The following NCALD variants were observed in gnomAD, a reference collection of about 807,000 sequenced individuals.
NCALD encodes the protein neurocalcin-delta.
NCALD carries 10 observed loss-of-function variants against 18.6 expected under a neutral mutation model. That is an observed-to-expected ratio of 0.54 (90% CI 0.33 to 0.91). NCALD has a LOEUF of 0.91. Among genes scored for constraint, NCALD ranks in the 40% least tolerant of loss-of-function variants. The pLI, the probability that NCALD is intolerant of heterozygous loss-of-function variation, is 0.03. For missense variants in NCALD, 184 were observed against 247.6 expected (o/e 0.74, Z 1.72); for synonymous variants, 88 against 87.4 (o/e 1.01, Z -0.04).
intron 1 of NCALD, among the ~76,000 whole-genome samples, chr8:102,119,824 G>T (rs1302889271): frequency 6.6e-6 from 1 of 152,118 alleles, no homozygotes; most frequent in Non-Finnish European, 1.5e-5. Flanking sequence ...ATCTTATTCA[G>T]CCTGTATCCC....
At chr8:102,013,437 A>G (rs1192839488) in intron 2 of NCALD, among the ~76,000 whole-genome samples, 2 of 152,208 alleles carry the variant, frequency 1.3e-5, no homozygotes, top group Non-Finnish European at 2.9e-5. Context: ...TAGCAAGCCC[A>G]GCCCCAATGG....
chr8:101,719,910 A>C (rs1157383356), intron 1 of NCALD, among the ~76,000 whole-genome samples: 1 of 152,212 alleles, frequency 6.6e-6, no homozygotes, highest in Non-Finnish European at 1.5e-5. Flanking sequence ...TGAAAGCAAA[A>C]GGTTCAGAGA....
chr8:101,836,591 T>C (rs1184452187), intron 4 of NCALD, among the ~76,000 whole-genome samples: 1 of 152,256 alleles, frequency 6.6e-6, no homozygotes, highest in African/African-American at 2.4e-5. Flanking sequence ...CACAGTTCAG[T>C]GTAAAACTTT....
chr8:101,830,747 T>TC (rs1165748839), intron 4 of NCALD, among the ~76,000 whole-genome samples: 1 of 150,388 alleles, frequency 6.6e-6, no homozygotes, highest in African/African-American at 2.4e-5. Context: ...ATACTTTTTT[T>TC]TTTTTTTTTT....
intron 3 of NCALD, among the ~76,000 whole-genome samples, chr8:101,913,319 AT>A (rs1817866164): frequency 6.6e-6 from 1 of 152,166 alleles, no homozygotes; most frequent in African/African-American, 2.4e-5. Flanking sequence ...GCCAATTATT[AT>A]TTTCTTTTGG....
At chr8:101,695,961 T>G (rs1238272345) in intron 2 of NCALD, among the ~76,000 whole-genome samples, 1 of 152,174 alleles carries the variant, frequency 6.6e-6, no homozygotes, top group Non-Finnish European at 1.5e-5. Context: ...TCCTTTTATA[T>G]GTTTTTTTTA....
intron 1 of NCALD, among the ~76,000 whole-genome samples, chr8:102,024,782 TTC>T (rs1677002347): frequency 6.6e-6 from 1 of 152,116 alleles, no homozygotes; most frequent in African/African-American, 2.4e-5. Flanking sequence ...TCTTTAAGAT[TTC>T]TCTTTCTCAA....
At chr8:102,059,767 C>T (rs1462209922) in intron 1 of NCALD, among the ~76,000 whole-genome samples, 1 of 152,116 alleles carries the variant, frequency 6.6e-6, no homozygotes, top group Non-Finnish European at 1.5e-5. Flanking sequence ...CTGAACACCC[C>T]ACTCCCTGTC....
Position 101,874,262 on chromosome 8 carries a change from A to G in NCALD, c.-20+12879T>C, listed in dbSNP as rs142621659. 9.4e-3 allele frequency among the ~76,000 whole-genome samples: 1,436 copies of G among 152,322 alleles called. 10 individuals are homozygous for G. Among genetic ancestry groups the G allele is most frequent in the Non-Finnish European group, 0.014 (956 of 68,028 alleles). On this transcript the variant is annotated intron_variant, in intron 4 of 6. Transcript: ENST00000311028. ...GAGCTGATAGCTGTATCTAGACACT[A>G]GAGAATTAGCAGTAAACAAAAGAGA... is the stretch of plus-strand genomic sequence containing the variant.
At chr8:101,772,902 T>A (rs1811642931) in intron 1 of NCALD, among the ~76,000 whole-genome samples, 1 of 152,194 alleles carries the variant, frequency 6.6e-6, no homozygotes, top group Non-Finnish European at 1.5e-5. Context: ...ATAGAGAGAA[T>A]TTAATGGTGA....
chr8:102,042,645 AC>A (rs940714003), intron 1 of NCALD, among the ~76,000 whole-genome samples: 7 of 151,290 alleles, frequency 4.6e-5, no homozygotes, highest in African/African-American at 1.7e-4. Context: ...ATTTCATGAG[AC>A]CCCCAACTAA....
intron 2 of NCALD, among the ~76,000 whole-genome samples, chr8:101,701,331 A>G (rs1815256392): frequency 6.6e-6 from 1 of 152,218 alleles, no homozygotes; most frequent in Non-Finnish European, 1.5e-5. Context: ...TGAAGAGACC[A>G]GGCTACTTCC....
intron 3 of NCALD, among the ~76,000 whole-genome samples, chr8:101,908,480 A>T (rs931125522): frequency 1.3e-5 from 2 of 152,212 alleles, no homozygotes; most frequent in Non-Finnish European, 2.9e-5. Flanking sequence ...CAATATTTCC[A>T]TCTTTCATTT....
At chr8:101,779,799 A>G (rs1811941531) in intron 1 of NCALD, 1 of 152,144 alleles carries the variant, frequency 6.6e-6, no homozygotes, top group Non-Finnish European at 1.5e-5. Context: ...ACTAAGCTTT[A>G]TTAACTAAAA....
chr8:102,118,585 C>T (rs550009681), intron 1 of NCALD, among the ~76,000 whole-genome samples: 1 of 152,326 alleles, frequency 6.6e-6, no homozygotes, highest in South Asian at 2.1e-4. Context: ...AATCCTGGGC[C>T]ATGAGATCTC....
chr8:101,760,444 G>C (rs1237627204), intron 1 of NCALD, among the ~76,000 whole-genome samples: 1 of 152,168 alleles, frequency 6.6e-6, no homozygotes, highest in Non-Finnish European at 1.5e-5. Flanking sequence ...CAACAGGAGG[G>C]GGAAGGGACC....
intron 4 of NCALD, among the ~76,000 whole-genome samples, chr8:101,813,165 T>C (rs954078759): frequency 6.6e-6 from 1 of 152,052 alleles, no homozygotes. Flanking sequence ...TACAGAAAGA[T>C]AGCTACTGGT....
chr8:101,695,036 C>T (rs75935632), intron 2 of NCALD, among the ~76,000 whole-genome samples: 3,366 of 152,220 alleles, frequency 0.022, 126 homozygotes, highest in African/African-American at 0.077. Flanking sequence ...AAAATGGAAT[C>T]GGCACCAACT....
chr8:101,989,021 G>A (rs368945348), intron 2 of NCALD, among the ~76,000 whole-genome samples: 2 of 152,088 alleles, frequency 1.3e-5, no homozygotes, highest in African/African-American at 4.8e-5. Flanking sequence ...GAGAGGACTG[G>A]AGTTTTAAGA....
Sources: allele counts gnomAD v4.1 joint callset (sites outside exome capture counted in the v4.1 genomes callset), GRCh38; gene constraint gnomAD v4.1.1; transcripts MANE v1.5; gene names NCBI Gene and HGNC (gene_info 2026-07-23, HGNC 2026-07-21).